Variants in DTNB observed in about 807,000 individuals in gnomAD.
DTNB encodes DTN-B.
In DTNB, 63 loss-of-function variants were observed where a neutral mutation model predicts 90.7. That is an observed-to-expected ratio of 0.69 (90% CI 0.57 to 0.86). The LOEUF (loss-of-function observed/expected upper bound fraction) is 0.86, where lower values mean the gene tolerates loss of function less well. Among genes scored for constraint, DTNB ranks in the 40% least tolerant of loss-of-function variants. DTNB has a pLI of 0.00. For synonymous variants in DTNB, 277 were observed against 286.7 expected (o/e 0.97, Z 0.34); for missense variants, 744 against 807.1 (o/e 0.92, Z 0.95).
chr2:25,628,444 TA>T, intron 3 of DTNB, 60 bp from the exon 4 acceptor site: 1 of 1,477,390 alleles, frequency 6.8e-7, no homozygotes, highest in South Asian at 1.3e-5. Flanking sequence ...CCCTTCACAA[TA>T]GGAATCTAAA....
intron 8 of DTNB, among the ~76,000 whole-genome samples, chr2:25,574,781 A>G (rs1035849687): frequency 6.6e-6 from 1 of 152,254 alleles, no homozygotes; most frequent in South Asian, 2.1e-4. Context: ...GCAGGATAAC[A>G]ATGCTTATTT....
Position 25,383,902 on chromosome 2 carries a change from G to T in DTNB, c.1826-13C>A. 1 of 1,614,030 alleles carries T rather than the reference G, an allele frequency of 6.2e-7. No homozygotes were observed. Among genetic ancestry groups the T allele is most frequent in the East Asian group, 2.2e-5 (1 of 44,886 alleles). The stretch of plus-strand genomic sequence containing the variant: ...GCACCTTCCTCTGCTGTGAAAACAA[G>T]TCCAAGGAGGCCAGTGACCCTTCGG... On this transcript the variant is annotated splice_polypyrimidine_tract_variant and intron_variant, in intron 18 of 20. Coordinates refer to ENST00000406818, the MANE Select transcript of DTNB (RefSeq NM_021907.5).
chr2:25,449,547 C>T (rs1173227035), intron 12 of DTNB, among the ~76,000 whole-genome samples: 2 of 152,154 alleles, frequency 1.3e-5, no homozygotes, highest in Non-Finnish European at 2.9e-5. Context: ...GTATCATTGG[C>T]ATTTTCCTGA....
intron 10 of DTNB, among the ~76,000 whole-genome samples, chr2:25,471,815 C>T (rs1294880220): frequency 7.1e-6 from 1 of 140,126 alleles, no homozygotes; most frequent in East Asian, 2.4e-4. Flanking sequence ...AGTAAATAAG[C>T]TCAATGAGGT....
At chr2:25,405,482 G>T (rs1353391781) in intron 16 of DTNB, among the ~76,000 whole-genome samples, 1 of 152,138 alleles carries the variant, frequency 6.6e-6, no homozygotes, top group Admixed American at 6.5e-5. Context: ...GGAGGTTGTA[G>T]AGAGCCAAGA....
chr2:25,648,251 ATTC>A (rs971521752), intron 2 of DTNB, among the ~76,000 whole-genome samples: 131 of 152,324 alleles, frequency 8.6e-4, no homozygotes, highest in African/African-American at 3.0e-3. Context: ...AATATATTCC[ATTC>A]TTCTTTTAAT....
intron 5 of DTNB, among the ~76,000 whole-genome samples, chr2:25,604,184 G>GCCACCA (rs1209534033): frequency 2.0e-5 from 3 of 151,794 alleles, no homozygotes; most frequent in East Asian, 1.9e-4. Context: ...AACCACTGCC[G>GCCACCA]CCACCACCAC....
chr2:25,479,406 T>C (rs567519470), intron 10 of DTNB, among the ~76,000 whole-genome samples: 6 of 152,336 alleles, frequency 3.9e-5, no homozygotes, highest in Admixed American at 1.3e-4. Flanking sequence ...ATTTTAAGCC[T>C]ATGTTTTAAA....
At chr2:25,493,940 C>CA (rs2068157151) in intron 9 of DTNB, among the ~76,000 whole-genome samples, 2 of 152,128 alleles carry the variant, frequency 1.3e-5, no homozygotes, top group South Asian at 4.1e-4. Flanking sequence ...CTATTTGTAA[C>CA]AAAGACAACT....
chr2:25,648,211 G>A (rs1032492863), intron 2 of DTNB, among the ~76,000 whole-genome samples: 3 of 152,068 alleles, frequency 2.0e-5, no homozygotes, highest in African/African-American at 7.2e-5. Flanking sequence ...TATCATGTAA[G>A]AATCATAAAC....
chr2:25,400,029 C>T (rs1307384163), intron 16 of DTNB, among the ~76,000 whole-genome samples: 5 of 152,132 alleles, frequency 3.3e-5, no homozygotes, highest in Admixed American at 3.3e-4. Flanking sequence ...AAGTGGAGTC[C>T]GTACCACAGC....
At chr2:25,569,486 T>G (rs181199337) in intron 8 of DTNB, among the ~76,000 whole-genome samples, 2 of 152,268 alleles carry the variant, frequency 1.3e-5, no homozygotes, top group Admixed American at 6.5e-5. Context: ...ACTGGTTGGT[T>G]TTAGAGAAGG....
intron 9 of DTNB, among the ~76,000 whole-genome samples, chr2:25,515,553 A>T (rs896933083): frequency 1.3e-5 from 2 of 151,372 alleles, no homozygotes; most frequent in African/African-American, 4.9e-5. Context: ...ACTGGTGCTT[A>T]GACAAGTGGA....
intron 1 of DTNB, among the ~76,000 whole-genome samples, chr2:25,658,341 C>A (rs1026910376): frequency 1.1e-4 from 16 of 151,982 alleles, no homozygotes; most frequent in Non-Finnish European, 1.9e-4. Flanking sequence ...AATGCACAAG[C>A]AGTCACGATG....
At chr2:25,664,665 C>G (rs1412501084) in intron 1 of DTNB, among the ~76,000 whole-genome samples, 3 of 152,184 alleles carry the variant, frequency 2.0e-5, no homozygotes, top group African/African-American at 7.2e-5. Context: ...ATACCTCCCA[C>G]TTTGGAGACT....
chr2:25,495,554 T>A (rs1183192361), intron 9 of DTNB, among the ~76,000 whole-genome samples: 1 of 152,144 alleles, frequency 6.6e-6, no homozygotes, highest in East Asian at 1.9e-4. Flanking sequence ...TCTGGTGAAA[T>A]ATTAAGGAGC....
chr2:25,448,415 A>G (rs541864430), intron 12 of DTNB, among the ~76,000 whole-genome samples: 5 of 152,366 alleles, frequency 3.3e-5, no homozygotes, highest in Admixed American at 6.5e-5. Flanking sequence ...AAGGAGAAGG[A>G]AAAGAGAAAA....
intron 9 of DTNB, among the ~76,000 whole-genome samples, chr2:25,514,644 G>T (rs1211180843): frequency 4.1e-5 from 6 of 144,840 alleles, no homozygotes; most frequent in Admixed American, 1.4e-4. Flanking sequence ...GATTTGTATT[G>T]TAAGTTCACA....
At chr2:25,517,343 T>C (rs1048451418) in intron 9 of DTNB, among the ~76,000 whole-genome samples, 3 of 152,188 alleles carry the variant, frequency 2.0e-5, no homozygotes, top group African/African-American at 7.2e-5. Context: ...GGAAATATTC[T>C]TAAACAGGAT....
Sources: gnomAD v4.1 joint callset for allele counts (sites outside exome capture counted in the v4.1 genomes callset) on GRCh38, gnomAD v4.1.1 for gene constraint, MANE v1.5 for transcripts, NCBI Gene and HGNC (gene_info 2026-07-23, HGNC 2026-07-21) for gene names.